CLEC4M: variants seen among roughly 807,000 people sequenced by gnomAD.
The protein encoded by CLEC4M is CD209 antigen-like protein 1.
In CLEC4M, 25 loss-of-function variants were observed where a neutral mutation model predicts 39.1. The ratio of observed to expected loss-of-function variants is 0.64; its 90% CI spans 0.47 to 0.89. The LOEUF is 0.89. CLEC4M is among the 40% of genes least tolerant of loss of function. CLEC4M has a pLI of 0.00. For synonymous variants in CLEC4M, 155 were observed against 177.4 expected (o/e 0.87, Z 1.00); for missense variants, 353 against 431.4 (o/e 0.82, Z 1.61).
intron 2 of CLEC4M, among the ~76,000 whole-genome samples, chr19:7,764,131 G>T (rs2034140317): frequency 6.6e-6 from 1 of 151,744 alleles, no homozygotes; most frequent in Admixed American, 6.6e-5. Flanking sequence ...TTATTATTTA[G>T]GTGCACCAGC....
intron 5 of CLEC4M, 178 bp from the exon 6 acceptor site, chr19:7,767,338 A>G: frequency 5.1e-6 from 3 of 585,482 alleles, no homozygotes; most frequent in Non-Finnish European, 9.2e-6. Flanking sequence ...GCATGTCAGG[A>G]CACACATGCC....
intron 5 of CLEC4M, 186 bp from the exon 6 acceptor site, chr19:7,767,330 A>G (rs557262768): frequency 5.2e-6 from 3 of 577,306 alleles, no homozygotes; most frequent in East Asian, 5.7e-5. Flanking sequence ...GCGTGCCTGC[A>G]TGTCAGGACA....
Position 7,763,275 on chromosome 19 carries a change from C to T in CLEC4M, c.9C>T (p.Asp3=). The part of the protein sequence containing the change: MS[D]SKEPRVQQLG... The stretch of plus-strand genomic sequence containing the variant: ...GGGGACAGCGGGAAAACATGAGTGA[C>T]TCCAAGGAACCAAGGGTGCAGCAGC... Residue 3 remains aspartate, a synonymous_variant, in exon 1 of 7, where the codon GAC becomes GAT. Transcript: ENST00000327325. 10 of 1,603,230 alleles carry T rather than the reference C, an allele frequency of 6.2e-6. No homozygotes were observed. Among genetic ancestry groups the T allele is most frequent in the Non-Finnish European group, 7.7e-6 (9 of 1,175,220 alleles).
At chr19:7,763,926 C>T (rs888898865) in intron 2 of CLEC4M, among the ~76,000 whole-genome samples, 17 of 150,372 alleles carry the variant, frequency 1.1e-4, no homozygotes, top group African/African-American at 4.2e-4. Context: ...AGAACTGGGG[C>T]CTGAATTCGT....
intron 3 of CLEC4M, 137 bp from the exon 4 acceptor site, chr19:7,765,501 G>A: frequency 7.1e-7 from 1 of 1,408,670 alleles, no homozygotes; most frequent in Non-Finnish European, 9.6e-7. Context: ...GCCTTCTCCA[G>A]GTGTCAGTTT....
Position 7,763,462 on chromosome 19 carries a change from A to C in CLEC4M, c.116A>C (p.His39Pro), listed in dbSNP as rs553248099. ...RDFQFQQIHGHKSSTGCLGHG... is the reference protein window; with the variant it reads ...RDFQFQQIHGPKSSTGCLGHG... ...TTTCAATTCCAGCAGATACATGGCC[A>C]CAAGAGCTCTACAGGTAGGCAAGAG... is the stretch of plus-strand genomic sequence containing the variant. Residue 39 changes from histidine (H) to proline (P), a missense_variant, in exon 2 of 7, where the codon CAC becomes CCC. By Grantham distance (77) the His-to-Pro change is moderately conservative. Around this residue, in one of 4 missense-constraint regions of CLEC4M, gnomAD observed 91 missense variants for 77.8 expected, o/e 1.17. Transcript: ENST00000327325. 1 of 1,614,032 alleles carries C rather than the reference A, an allele frequency of 6.2e-7. No individual in the cohort carries two copies. The highest frequency in any genetic ancestry group is 1.3e-5 in the African/African-American group (1 of 75,042).
chr19:7,766,931 G>T (rs2034304794), intron 5 of CLEC4M, 124 bp downstream of exon 5: 3 of 1,512,160 alleles, frequency 2.0e-6, no homozygotes, highest in African/African-American at 2.8e-5. Flanking sequence ...GGGAAGAGAA[G>T]GATATGAATG....
chr19:7,764,799 A>G (rs556176228), intron 2 of CLEC4M, among the ~76,000 whole-genome samples: 21 of 152,306 alleles, frequency 1.4e-4, no homozygotes, highest in African/African-American at 5.1e-4. Context: ...CCAAAAAGGC[A>G]GTTAATTTTT....
rs1158212505 is a variant in CLEC4M, at chr19:7,766,217, T to C, written c.784+10T>C. The stretch of plus-strand genomic sequence containing the variant: ...TTGAAGACTGCATTTGGTGAGTTCC[T>C]GCACATCAAGGGTCCTTGGGCCTGA... On this transcript the variant is annotated intron_variant, in intron 4 of 6. Transcript: ENST00000327325. 1 of 1,613,812 alleles carries C rather than the reference T, an allele frequency of 6.2e-7. No individual in the cohort carries two copies. The highest frequency in any genetic ancestry group is 1.3e-5 in the African/African-American group (1 of 74,940).
chr19:7,767,013 C>G, intron 5 of CLEC4M: 1 of 838,980 alleles, frequency 1.2e-6, no homozygotes, highest in South Asian at 1.9e-5. Flanking sequence ...GGGGAAACGT[C>G]AAATGTAAGC....
rs763369162 is a variant in CLEC4M at position 7,765,238 on chromosome 19, G to T, written c.184G>T (p.Ala62Ser). The change falls in exon 3 of 7, where the codon GCT (alanine) becomes TCT (serine). Residue 62 changes from alanine to serine, a missense_variant. Around this residue, in one of 4 missense-constraint regions of CLEC4M, gnomAD observed 91 missense variants for 77.8 expected, o/e 1.17. Transcript: ENST00000327325. ...VLQLLSFMLL[A>S]GVLVAILVQV... is the part of the protein sequence containing the mutation. ...GCAACTCCTCTCCTTCATGCTCTTG[G>T]CTGGGGTCCTGGTGGCCATCCTTGT... is the stretch of plus-strand genomic sequence containing the variant. The T allele has an allele frequency of 2.0e-5, 32 of 1,614,172 alleles. No individual in the cohort carries two copies. Among genetic ancestry groups the T allele is most frequent in the Non-Finnish European group, 2.6e-5 (31 of 1,180,012 alleles).
At chr19:7,768,760 C>T in intron 6 of CLEC4M, 78 bp from the exon 7 acceptor site, 1 of 1,518,116 alleles carries the variant, frequency 6.6e-7, no homozygotes, top group Non-Finnish European at 9.0e-7. Flanking sequence ...GATGTTAAAG[C>T]ATCAATATTA....
Position 7,766,164 on chromosome 19 carries a change from G to A in CLEC4M, c.741G>A (p.Gln247=). ...GTGAGTTGCCAGACCAGTCCAAGCAGCAGCAAATCTATCAAGAACTGACCG... is the reference window on the plus strand; with the variant it reads ...GTGAGTTGCCAGACCAGTCCAAGCAACAGCAAATCTATCAAGAACTGACCG... ...AVGELPDQSK[Q]QQIYQELTDL... is the part of the protein sequence containing the mutation. The change falls in exon 4 of 7, where the codon CAG becomes CAA. Residue 247 remains glutamine (Q), a synonymous_variant. Coordinates refer to ENST00000327325, the MANE Select transcript of CLEC4M (RefSeq NM_014257.5). The A allele has an allele frequency of 6.2e-7, 1 of 1,614,184 alleles. No individual in the cohort carries two copies.
In CLEC4M at chr19:7,763,530, G is replaced by T. The variant is rs1050151532; in HGVS notation, c.130+54G>T. The T allele has an allele frequency of 1.3e-5, 20 of 1,492,598 alleles. No homozygotes were observed. The African/African-American group carries it at 1.9e-4, about 15-fold the overall frequency. The allele number at this position is 1,492,598 out of a possible 1,614,324, so 92.5% of individuals were successfully genotyped here. On this transcript the variant is annotated intron_variant, in intron 2 of 6. Coordinates refer to ENST00000327325, the MANE Select transcript of CLEC4M (RefSeq NM_014257.5). ...GAAGACAGAGCCTCCCAGACCCCTG[G>T]GTCCTGGGGAGGTAGGTGTTGGGGT...
At chr19:7,768,553 GCA>G in intron 6 of CLEC4M, 1 of 235,186 alleles carries the variant, frequency 4.3e-6, no homozygotes, top group Non-Finnish European at 8.5e-6. Flanking sequence ...CTCCAGCCTG[GCA>G]ACAGAGCGAG....
chr19:7,767,872 G>T, intron 6 of CLEC4M: 2 of 407,634 alleles, frequency 4.9e-6, no homozygotes, highest in South Asian at 4.1e-5. Flanking sequence ...AAAATACAGT[G>T]TATTAATAGG....
chr19:7,765,143 A>G (rs776951272), intron 2 of CLEC4M, 42 bp from the exon 3 acceptor site: 1 of 1,604,608 alleles, frequency 6.2e-7, no homozygotes, highest in African/African-American at 1.3e-5. Flanking sequence ...GGCCAGGCTC[A>G]GGTGGGAACA....
intron 5 of CLEC4M, 69 bp downstream of exon 5, chr19:7,766,876 A>C: frequency 6.2e-7 from 1 of 1,608,154 alleles, no homozygotes; most frequent in Non-Finnish European, 8.5e-7. Context: ...GGAGGTGCTC[A>C]GAGAGGATTT....
chr19:7,766,971 A>G (rs2034306363), intron 5 of CLEC4M, 164 bp downstream of exon 5: 10 of 1,227,720 alleles, frequency 8.1e-6, no homozygotes, highest in Non-Finnish European at 6.7e-6. Context: ...TCAAGCAAAT[A>G]CAAACCAGAT....
Sources: allele counts gnomAD v4.1 joint callset (sites outside exome capture counted in the v4.1 genomes callset), GRCh38; gene constraint gnomAD v4.1.1; regional missense constraint gnomAD v4.1.1; transcripts MANE v1.5; gene names NCBI Gene and HGNC (gene_info 2026-07-23, HGNC 2026-07-21).